Variants in KCNH7 observed in about 807,000 individuals in gnomAD.
KCNH7 encodes potassium voltage-gated channel subfamily H member 7, also known as voltage-gated inwardly rectifying potassium channel KCNH7.
A neutral mutation model predicts 120.8 loss-of-function variants in KCNH7; 49 were observed. The ratio of observed to expected loss-of-function variants is 0.41; its 90% CI spans 0.32 to 0.51. KCNH7 has a LOEUF of 0.51. Ranked by LOEUF, KCNH7 falls within the 20% of genes least tolerant of loss-of-function variation. The pLI is 0.38. For missense variants in KCNH7, 1,097 were observed against 1,446.6 expected (o/e 0.76, Z 3.92); for synonymous variants, 547 against 516.1 (o/e 1.06, Z -0.81).
rs549541997 is a variant in KCNH7, at chr2:162,381,475, A to T, written c.2963-1454T>A. 2.0e-5 allele frequency among the ~76,000 whole-genome samples: 3 copies of T among 152,180 alleles called. No individual in the cohort carries two copies. In the East Asian group the frequency reaches 5.8e-4, roughly 30 times the overall value. ...ACAGACATGTCTGTATTCTTTCTTC[A>T]TGGTTTTCCTCTCACTCATTATCTT... On this transcript the variant is annotated intron_variant, in intron 13 of 15. Coordinates refer to ENST00000332142, the MANE Select transcript of KCNH7 (RefSeq NM_033272.4).
intron 2 of KCNH7, among the ~76,000 whole-genome samples, chr2:162,716,662 T>G (rs2105366784): frequency 6.6e-6 from 1 of 152,270 alleles, no homozygotes; most frequent in Non-Finnish European, 1.5e-5. Flanking sequence ...TATTAAGCCC[T>G]TTTCAAAAGC....
intron 3 of KCNH7, among the ~76,000 whole-genome samples, chr2:162,529,111 T>C (rs879764511): frequency 6.6e-6 from 1 of 151,990 alleles, no homozygotes; most frequent in Non-Finnish European, 1.5e-5. Context: ...AGGAGATGTC[T>C]AGTGGGATAT....
At chr2:162,677,499 C>A (rs952311992) in intron 2 of KCNH7, among the ~76,000 whole-genome samples, 1 of 151,410 alleles carries the variant, frequency 6.6e-6, no homozygotes, top group Non-Finnish European at 1.5e-5. Flanking sequence ...GCCATCAATG[C>A]CACTGCATGG....
intron 2 of KCNH7, among the ~76,000 whole-genome samples, chr2:162,593,886 C>T (rs563278171): frequency 2.4e-4 from 36 of 152,070 alleles, no homozygotes; most frequent in Non-Finnish European, 4.7e-4. Context: ...TTTTTGGACT[C>T]ATATTTCTCA....
At chr2:162,582,083 C>T (rs1343213463) in intron 2 of KCNH7, among the ~76,000 whole-genome samples, 1 of 152,046 alleles carries the variant, frequency 6.6e-6, no homozygotes, top group African/African-American at 2.4e-5. Flanking sequence ...GCTGGATAAG[C>T]ATGGCTGAAC....
chr2:162,702,993 T>C (rs1686569948), intron 2 of KCNH7, among the ~76,000 whole-genome samples: 1 of 152,088 alleles, frequency 6.6e-6, no homozygotes, highest in Non-Finnish European at 1.5e-5. Flanking sequence ...TAAATGCTTG[T>C]GTAAAGAGTG....
At chr2:162,394,969 AGAT>A (rs1248980378) in intron 11 of KCNH7, among the ~76,000 whole-genome samples, 1 of 151,862 alleles carries the variant, frequency 6.6e-6, no homozygotes, top group Non-Finnish European at 1.5e-5. Context: ...GAAGATGATG[AGAT>A]GATGATCTTT....
chr2:162,434,593 C>T (rs1688177941), intron 8 of KCNH7, among the ~76,000 whole-genome samples: 1 of 151,844 alleles, frequency 6.6e-6, no homozygotes, highest in South Asian at 2.1e-4. Context: ...ATGCTCATGA[C>T]ATTAACCAAT....
At chr2:162,430,040 T>C (rs181718691) in intron 8 of KCNH7, among the ~76,000 whole-genome samples, 85 of 151,184 alleles carry the variant, frequency 5.6e-4, no homozygotes, top group Admixed American at 2.2e-3. Context: ...TGCTTGTAAC[T>C]TTTTTTTTGT....
chr2:162,661,240 A>G (rs548669977), intron 2 of KCNH7, among the ~76,000 whole-genome samples: 2 of 152,262 alleles, frequency 1.3e-5, no homozygotes, highest in African/African-American at 2.4e-5. Context: ...ACCTGTTAGG[A>G]AAAATAAAAT....
intron 2 of KCNH7, among the ~76,000 whole-genome samples, chr2:162,795,228 T>C (rs1684099470): frequency 6.6e-6 from 1 of 152,102 alleles, no homozygotes; most frequent in Non-Finnish European, 1.5e-5. Flanking sequence ...TAAAATCTTT[T>C]TTATCATTAC....
intron 6 of KCNH7, chr2:162,496,913 A>G (rs1247619799): frequency 1.3e-5 from 2 of 152,218 alleles, no homozygotes; most frequent in Non-Finnish European, 2.9e-5. Context: ...ACTACAGAAC[A>G]TGTTAAGATA....
chr2:162,441,240 A>T (rs1479661001), intron 7 of KCNH7, among the ~76,000 whole-genome samples: 1 of 152,176 alleles, frequency 6.6e-6, no homozygotes, highest in African/African-American at 2.4e-5. Flanking sequence ...GTTGAACATG[A>T]TTATATTGGA....
chr2:162,722,477 T>G (rs373043027), intron 2 of KCNH7, among the ~76,000 whole-genome samples: 1 of 152,084 alleles, frequency 6.6e-6, no homozygotes, highest in African/African-American at 2.4e-5. Context: ...ACTAATAGCC[T>G]TATGAGGATG....
chr2:162,441,999 C>CTTTTTTTTTTTTTTTTTTTTTTT lies in KCNH7; in HGVS notation c.1554+3996_1554+4018dup, dbSNP rs779418084. Among the ~76,000 whole-genome samples the CTTTTTTTTTTTTTTTTTTTTTTT allele has an allele frequency of 1.7e-4, 7 of 41,576 alleles. 3 individuals are homozygous for CTTTTTTTTTTTTTTTTTTTTTTT. The highest frequency in any genetic ancestry group is 3.1e-4 in the Non-Finnish European group (6 of 19,654). 27.3% of individuals were successfully genotyped at this position (41,576 alleles called of 152,430 possible). ...GAAAAAAATTAAATAGTTAGGTCTTCTTTTTTTTTTTTTTTTTTTTTTTTT... is the reference window on the plus strand; with the variant it reads ...GAAAAAAATTAAATAGTTAGGTCTTCTTTTTTTTTTTTTTTTTTTTTTTTTTTTTTTTTTTTTTTTTTTTTTTT... On this transcript the variant is annotated intron_variant, in intron 7 of 15. Coordinates refer to ENST00000332142, the MANE Select transcript of KCNH7 (RefSeq NM_033272.4).
At chr2:162,383,880 A>T (rs1686498564) in intron 13 of KCNH7, among the ~76,000 whole-genome samples, 1 of 151,888 alleles carries the variant, frequency 6.6e-6, no homozygotes, top group Non-Finnish European at 1.5e-5. Context: ...AAAGATGCAT[A>T]AACTGAGTCT....
At chr2:162,602,720 T>C (rs1199110941) in intron 2 of KCNH7, among the ~76,000 whole-genome samples, 2 of 152,046 alleles carry the variant, frequency 1.3e-5, no homozygotes, top group Non-Finnish European at 2.9e-5. Context: ...ACTCCTATGA[T>C]CATTTCATAT....
chr2:162,838,313 G>A (rs1685732022), intron 1 of KCNH7, 130 bp downstream of exon 1: 15 of 682,870 alleles, frequency 2.2e-5, no homozygotes, highest in African/African-American at 3.6e-5. Flanking sequence ...CGAACCTCCT[G>A]GCTCGGTTTC....
At chr2:162,662,362 C>T (rs1412872674) in intron 2 of KCNH7, among the ~76,000 whole-genome samples, 1 of 152,188 alleles carries the variant, frequency 6.6e-6, no homozygotes, top group South Asian at 2.1e-4. Flanking sequence ...TCATTTAACA[C>T]ACTACTTACA....
Sources: allele counts gnomAD v4.1 joint callset (sites outside exome capture counted in the v4.1 genomes callset), GRCh38; gene constraint gnomAD v4.1.1; transcripts MANE v1.5; gene names NCBI Gene and HGNC (gene_info 2026-07-23, HGNC 2026-07-21).